The following RCC2 variants were observed in gnomAD, a reference collection of about 807,000 sequenced individuals.
The protein encoded by RCC2 is regulator of chromosome condensation 2.
A neutral mutation model predicts 64.1 loss-of-function variants in RCC2; 19 were observed. The observed-to-expected ratio is 0.30, with a 90% confidence interval of 0.21 to 0.44. RCC2 has a LOEUF of 0.44. Among genes scored for constraint, RCC2 ranks in the 20% least tolerant of loss-of-function variants. RCC2 has a pLI of 1.00. For missense variants in RCC2, 508 were observed against 710.4 expected (o/e 0.72, Z 3.24); for synonymous variants, 325 against 279.6 (o/e 1.16, Z -1.62).
intron 8 of RCC2, 34 bp downstream of exon 8, chr1:17,416,446 C>A (rs775560745): frequency 1.3e-6 from 2 of 1,582,820 alleles, no homozygotes; most frequent in Non-Finnish European, 8.6e-7. Context: ...CATCCTGGTG[C>A]GACTCTCAGG....
Position 17,420,836 on chromosome 1 carries a change from G to T in RCC2, c.745-8C>A. 3.9e-6 allele frequency: 6 copies of T among 1,558,336 alleles called. No homozygotes were observed. The highest frequency in any genetic ancestry group is 5.2e-6 in the Non-Finnish European group (6 of 1,147,648). On this transcript the variant is annotated splice_region_variant and splice_polypyrimidine_tract_variant and intron_variant, in intron 6 of 12. Coordinates refer to ENST00000375436, the MANE Select transcript of RCC2 (RefSeq NM_018715.4). ...CTGGCCGTTGTACATTATCTGAAAA[G>T]ACAAGAAAGGAGACTTTCATTTTTT...
intron 7 of RCC2, among the ~76,000 whole-genome samples, chr1:17,419,757 G>C (rs1041989232): frequency 6.6e-6 from 1 of 152,176 alleles, no homozygotes. Context: ...GCAGGAGCGC[G>C]CACGTGGCAG....
In RCC2 at chr1:17,412,112, G is replaced by C. The variant is rs1265126305; in HGVS notation, c.1386+10C>G. 1 of 1,613,990 alleles carries C rather than the reference G, an allele frequency of 6.2e-7. No homozygotes were observed. The highest frequency in any genetic ancestry group is 1.7e-5 in the Admixed American group (1 of 60,010). On this transcript the variant is annotated intron_variant, in intron 11 of 12. Coordinates refer to ENST00000375436, the MANE Select transcript of RCC2 (RefSeq NM_018715.4). ...TCCACTTCCCCTGACCCGCACAGGT[G>C]ACAGCTTACCAGTTCCCCAAAGGTC... is the stretch of plus-strand genomic sequence containing the variant.
At chr1:17,410,199 A>T (rs1483022486) in intron 11 of RCC2, 148 bp from the exon 12 acceptor site, 3 of 680,576 alleles carry the variant, frequency 4.4e-6, no homozygotes, top group Non-Finnish European at 7.8e-6. Context: ...ACCCTTGCAC[A>T]CAAGGGCCAG....
In RCC2 at chr1:17,408,801, A is replaced by G. The variant is rs540166631; in HGVS notation, c.*289T>C. The G allele has an allele frequency of 2.9e-6, 1 of 347,162 alleles. No individual in the cohort carries two copies. The highest frequency in any genetic ancestry group is 4.4e-5 in the Admixed American group (1 of 22,964). The allele number at this position is 347,162 out of a possible 1,614,324, so 21.5% of individuals were successfully genotyped here. On this transcript the variant is annotated 3_prime_UTR_variant, in exon 13 of 13. Transcript: ENST00000375436. Reference sequence around the variant, plus strand: ...GAAAGAAAAAACTTAAAAAAAAAAAAAACCTAGATTGCTCAAAGTTTCTGC... The same window carrying G: ...GAAAGAAAAAACTTAAAAAAAAAAAGAACCTAGATTGCTCAAAGTTTCTGC...
rs1570194590 is a variant in RCC2, at chr1:17,425,623, C to T, written c.441G>A (p.Gly147=). The T allele has an allele frequency of 1.9e-6, 3 of 1,614,100 alleles. No individual in the cohort carries two copies. The East Asian group carries it at 6.7e-5, about 36-fold the overall frequency. ...WGPHRYGCLA[G]VRVRTVVSGS... ...CCGAGACCACTGTCCGCACCCGGACCCCCGCCAGGCACCCATATCTGTGGG... is the reference window on the plus strand; with the variant it reads ...CCGAGACCACTGTCCGCACCCGGACTCCCGCCAGGCACCCATATCTGTGGG... Residue 147 remains glycine, a synonymous_variant, in exon 4 of 13, where the codon GGG becomes GGA. Transcript: ENST00000375436.
At chr1:17,420,066 G>A (rs1379165781) in intron 7 of RCC2, among the ~76,000 whole-genome samples, 2 of 152,214 alleles carry the variant, frequency 1.3e-5, no homozygotes, top group Non-Finnish European at 2.9e-5. Flanking sequence ...CCTCCCCAGA[G>A]GGGCTGGAGT....
At chr1:17,414,648 T>G (rs551521000) in intron 8 of RCC2, among the ~76,000 whole-genome samples, 1 of 149,866 alleles carries the variant, frequency 6.7e-6, no homozygotes, top group Non-Finnish European at 1.5e-5. Flanking sequence ...TTTCCCCCCC[T>G]CGAGAGGGTC....
At chr1:17,437,398 C>G (rs1228863700) in intron 2 of RCC2, among the ~76,000 whole-genome samples, 1 of 151,182 alleles carries the variant, frequency 6.6e-6, no homozygotes, top group Non-Finnish European at 1.5e-5. Context: ...AAAGAAAGTT[C>G]TGTGGGGGTG....
intron 7 of RCC2, among the ~76,000 whole-genome samples, chr1:17,419,817 G>A (rs1389011201): frequency 6.6e-6 from 1 of 152,218 alleles, no homozygotes; most frequent in Non-Finnish European, 1.5e-5. Flanking sequence ...CATGGAAACC[G>A]CTCTCCAACT....
chr1:17,436,570 G>C (rs779295952), intron 2 of RCC2, among the ~76,000 whole-genome samples: 84 of 152,194 alleles, frequency 5.5e-4, no homozygotes, highest in Non-Finnish European at 2.9e-4. Flanking sequence ...AGCACAGCTG[G>C]AGACAGAGGT....
chr1:17,407,096 G>C lies in RCC2; in HGVS notation c.*1994C>G, dbSNP rs1283688393. 1 of 152,232 alleles carries C rather than the reference G, an allele frequency of 6.6e-6. No individual in the cohort carries two copies. Among genetic ancestry groups the C allele is most frequent in the African/African-American group, 2.4e-5 (1 of 41,456 alleles). The allele number at this position is 152,232 out of a possible 1,614,324, so 9.4% of individuals were successfully genotyped here. On this transcript the variant is annotated 3_prime_UTR_variant, in exon 13 of 13. Transcript: ENST00000375436. ...TCAATCTAAGCCAGAAGGAGCTGCGGGACAAGGCAGTCTTCACTTTGAAGG... is the reference window on the plus strand; with the variant it reads ...TCAATCTAAGCCAGAAGGAGCTGCGCGACAAGGCAGTCTTCACTTTGAAGG...
At chr1:17,439,169 A>C (rs1447973723) in intron 1 of RCC2, among the ~76,000 whole-genome samples, 2 of 152,012 alleles carry the variant, frequency 1.3e-5, no homozygotes, top group East Asian at 3.9e-4. Context: ...CCCCAGCCCC[A>C]AACACCTGCT....
Position 17,408,931 on chromosome 1 carries a change from T to A in RCC2, c.*159A>T. The A allele has an allele frequency of 3.2e-6, 2 of 625,546 alleles. No individual in the cohort carries two copies. 38.7% of individuals were successfully genotyped at this position (625,546 alleles called of 1,614,324 possible). On this transcript the variant is annotated 3_prime_UTR_variant, in exon 13 of 13. Transcript: ENST00000375436. ...CATACAGAAAAAAAGGTAGTTAACG[T>A]TGGATCATGTGTAAAACGGAACCTC...
chr1:17,430,395 G>C (rs2075662614), intron 2 of RCC2, among the ~76,000 whole-genome samples: 2 of 151,888 alleles, frequency 1.3e-5, no homozygotes, highest in Admixed American at 1.3e-4. Flanking sequence ...GGAGGCTGAG[G>C]TGGGAGGATT....
chr1:17,411,431 C>G (rs992828023), intron 11 of RCC2, among the ~76,000 whole-genome samples: 7 of 152,184 alleles, frequency 4.6e-5, no homozygotes, highest in Admixed American at 3.3e-4. Context: ...CAAAAATTAG[C>G]TGGGCGTGGT....
At chr1:17,422,145 C>A in intron 6 of RCC2, 58 bp downstream of exon 6, 1 of 1,319,094 alleles carries the variant, frequency 7.6e-7, no homozygotes, top group Non-Finnish European at 1.1e-6. Context: ...CTTAGAAAAT[C>A]AAACACAAAA....
chr1:17,427,532 G>A (rs964620015), intron 3 of RCC2, among the ~76,000 whole-genome samples: 3 of 152,208 alleles, frequency 2.0e-5, no homozygotes, highest in Non-Finnish European at 4.4e-5. Flanking sequence ...AACAAAACTC[G>A]GAAGGGATAA....
At position 17,438,767 on chromosome 1, in the gene RCC2, G is replaced by T. The variant is rs185025935; in HGVS notation, c.-8-245C>A. ...CCCCAGAGGCAATCCCCTGGAGGGAGAATTGAGACCCCCGGCCTATCCGTA... is the reference window on the plus strand; with the variant it reads ...CCCCAGAGGCAATCCCCTGGAGGGATAATTGAGACCCCCGGCCTATCCGTA... On this transcript the variant is annotated intron_variant, in intron 1 of 12. Transcript: ENST00000375436. Among the ~76,000 whole-genome samples the T allele has an allele frequency of 4.8e-3, 724 of 152,262 alleles. 3 individuals carry two copies. Among genetic ancestry groups the T allele is most frequent in the African/African-American group, 0.015 (643 of 41,562 alleles).
Sources: gnomAD v4.1 joint callset for allele counts (sites outside exome capture counted in the v4.1 genomes callset) on GRCh38, gnomAD v4.1.1 for gene constraint, MANE v1.5 for transcripts, NCBI Gene and HGNC (gene_info 2026-07-23, HGNC 2026-07-21) for gene names.